GRM5: variants seen among roughly 807,000 people sequenced by gnomAD.
GRM5 encodes the protein metabotropic glutamate receptor 5.
GRM5 carries 19 observed loss-of-function variants against 83.1 expected under a neutral mutation model. The observed-to-expected ratio is 0.23, with a 90% CI of 0.16 to 0.34. GRM5 has a LOEUF of 0.34. Among genes scored for constraint, GRM5 ranks in the 10% least tolerant of loss-of-function variants. GRM5 has a pLI of 1.00. For synonymous variants in GRM5, 675 were observed against 633.6 expected (o/e 1.07, Z -0.98); for missense variants, 1,160 against 1,588.3 (o/e 0.73, Z 4.58).
At chr11:88,925,274 C>G (rs1445118600) in intron 2 of GRM5, among the ~76,000 whole-genome samples, 1 of 152,090 alleles carries the variant, frequency 6.6e-6, no homozygotes, top group Non-Finnish European at 1.5e-5. Context: ...AGAGCTATTA[C>G]TCTTTCAGAG....
chr11:88,530,278 G>C (rs559262359), intron 8 of GRM5, among the ~76,000 whole-genome samples: 9 of 151,962 alleles, frequency 5.9e-5, no homozygotes, highest in Non-Finnish European at 1.2e-4. Flanking sequence ...TTGTAAACCT[G>C]TAAGTTTTCT....
At chr11:88,609,128 C>T (rs907978460) in intron 4 of GRM5, among the ~76,000 whole-genome samples, 3 of 152,112 alleles carry the variant, frequency 2.0e-5, no homozygotes, top group Admixed American at 6.5e-5. Flanking sequence ...GGTAGCCTTC[C>T]AAACCATAGC....
chr11:88,595,404 T>A (rs138890319), intron 6 of GRM5, among the ~76,000 whole-genome samples: 2 of 152,258 alleles, frequency 1.3e-5, no homozygotes, highest in Non-Finnish European at 2.9e-5. Context: ...CCTCTCTTCC[T>A]CCTTCCCTTC....
chr11:88,851,743 A>T (rs529203005), intron 2 of GRM5, among the ~76,000 whole-genome samples: 3 of 152,210 alleles, frequency 2.0e-5, no homozygotes, highest in Admixed American at 6.5e-5. Context: ...ATCTCCATGA[A>T]CAAACTGCAA....
At chr11:88,936,198 A>T (rs1371861769) in intron 2 of GRM5, among the ~76,000 whole-genome samples, 3 of 151,808 alleles carry the variant, frequency 2.0e-5, no homozygotes, top group African/African-American at 7.2e-5. Flanking sequence ...ATTCCCTAAG[A>T]TTTAGGTTGC....
chr11:88,534,126 G>A (rs12290495), intron 8 of GRM5, among the ~76,000 whole-genome samples: 5,975 of 152,294 alleles, frequency 0.039, 417 homozygotes, highest in African/African-American at 0.14. Context: ...CTTTCATGGA[G>A]AACCTCTGCT....
intron 7 of GRM5, among the ~76,000 whole-genome samples, chr11:88,583,735 G>C (rs544763101): frequency 2.7e-4 from 41 of 152,294 alleles, no homozygotes; most frequent in African/African-American, 9.9e-4. Flanking sequence ...TTCTAGGACA[G>C]TTTTTGCAGA....
intron 2 of GRM5, among the ~76,000 whole-genome samples, chr11:88,989,344 C>T (rs1393403090): frequency 1.5e-5 from 2 of 135,726 alleles, no homozygotes; most frequent in African/African-American, 5.5e-5. Flanking sequence ...AATACAGTAG[C>T]ACCCAGATTC....
rs1266049255 is a variant in GRM5 at position 88,687,517 on chromosome 11, CACACACACATACATATATAT to C, written c.912-34134_912-34115del. 1.2e-3 allele frequency among the ~76,000 whole-genome samples: 43 copies of C among 36,674 alleles called. 4 individuals carry two copies. The highest frequency in any genetic ancestry group is 3.1e-3 in the African/African-American group (37 of 12,042). 24.1% of individuals were successfully genotyped at this position (36,674 alleles called of 152,430 possible). A position where few individuals can be genotyped will look rare whatever the true frequency, so the allele number is the denominator to read the frequency against. On this transcript the variant is annotated intron_variant, in intron 3 of 9. Coordinates refer to ENST00000305447, the MANE Select transcript of GRM5 (RefSeq NM_001143831.3). Reference sequence around the variant, plus strand: ...AACAAAAAATACACACACACACACACACACACACATACATATATATACACACACACACACACATATATATT... The same window carrying C: ...AACAAAAAATACACACACACACACACACACACACACACACACATATATATT...
rs71470776 is a variant in GRM5 at position 88,723,147 on chromosome 11, C to CT, written c.912-69745dup. On this transcript the variant is annotated intron_variant, in intron 3 of 9. Transcript: ENST00000305447. ...ACAGTATGTAGTCTTTTCAGATTGG[C>CT]TTTTTTTTTTTCTCATAGCAATATG... 5.5e-3 allele frequency among the ~76,000 whole-genome samples: 814 copies of CT among 148,070 alleles called. 13 individuals carry two copies. In the East Asian group the frequency reaches 0.064, roughly 12 times the overall value.
intron 2 of GRM5, among the ~76,000 whole-genome samples, chr11:88,997,075 A>G (rs368801649): frequency 2.6e-5 from 4 of 152,348 alleles, no homozygotes; most frequent in East Asian, 3.9e-4. Context: ...CTGTAATCCC[A>G]GCAGTTTGGG....
intron 4 of GRM5, among the ~76,000 whole-genome samples, chr11:88,649,388 T>C (rs947675340): frequency 1.3e-4 from 19 of 142,256 alleles, no homozygotes; most frequent in African/African-American, 3.8e-4. Context: ...TTATGTATTA[T>C]ATATTATATA....
In GRM5 at chr11:88,971,754, A is replaced by C. The variant is rs368947031; in HGVS notation, c.661+75458T>G. On this transcript the variant is annotated intron_variant, in intron 2 of 9. Coordinates refer to ENST00000305447, the MANE Select transcript of GRM5 (RefSeq NM_001143831.3). ...TGCATAAATAGATTTTTTTTATCTG[A>C]CTCTCTTTAGAGGACATACATGTAA... 1.4e-4 allele frequency among the ~76,000 whole-genome samples: 21 copies of C among 151,734 alleles called. 1 individual carries two copies. Among genetic ancestry groups the C allele is most frequent in the African/African-American group, 5.1e-4 (21 of 41,272 alleles).
chr11:88,977,168 A>T (rs12361421), intron 2 of GRM5, among the ~76,000 whole-genome samples: 3,656 of 150,318 alleles, frequency 0.024, 81 homozygotes, highest in East Asian at 0.1. Flanking sequence ...GTGATTTAAC[A>T]TAAAATATTT....
Position 89,009,900 on chromosome 11 carries a change from C to CAAAA in GRM5, c.661+37308_661+37311dup, listed in dbSNP as rs758398638. 1.7e-3 allele frequency among the ~76,000 whole-genome samples: 37 copies of CAAAA among 21,556 alleles called. 1 individual carries two copies. Among genetic ancestry groups the CAAAA allele is most frequent in the African/African-American group, 2.9e-3 (25 of 8,648 alleles). The allele number at this position is 21,556 out of a possible 152,430, so 14.1% of individuals were successfully genotyped here. A position where few individuals can be genotyped will look rare whatever the true frequency, so the allele number is the denominator to read the frequency against. On this transcript the variant is annotated intron_variant, in intron 2 of 9. Coordinates refer to ENST00000305447, the MANE Select transcript of GRM5 (RefSeq NM_001143831.3). ...TGGGCGACAGAGCGAGACTCCGTCT[C>CAAAA]AAAAAAAAAAAAAAAAAAAAAAAAA... is the stretch of plus-strand genomic sequence containing the variant.
chr11:88,785,134 G>A (rs1943043752), intron 3 of GRM5, among the ~76,000 whole-genome samples: 1 of 152,068 alleles, frequency 6.6e-6, no homozygotes, highest in Non-Finnish European at 1.5e-5. Flanking sequence ...GTCAGTGGAG[G>A]TGGAGTGTAT....
chr11:88,882,463 G>C (rs1193794417), intron 2 of GRM5, among the ~76,000 whole-genome samples: 2 of 148,762 alleles, frequency 1.3e-5, no homozygotes, highest in East Asian at 4.0e-4. Context: ...CGGGAGGCTG[G>C]GGCAGGAGAA....
intron 3 of GRM5, among the ~76,000 whole-genome samples, chr11:88,655,468 A>G (rs1939743146): frequency 6.6e-6 from 1 of 152,108 alleles, no homozygotes; most frequent in African/African-American, 2.4e-5. Flanking sequence ...GCTCGCTCTT[A>G]TGTAACACTA....
At chr11:88,669,904 G>A (rs547356345) in intron 3 of GRM5, among the ~76,000 whole-genome samples, 3 of 151,944 alleles carry the variant, frequency 2.0e-5, no homozygotes, top group Non-Finnish European at 4.4e-5. Flanking sequence ...GGTTTTCCTT[G>A]GTGGGGTTTA....
Sources: gnomAD v4.1 joint callset for allele counts (sites outside exome capture counted in the v4.1 genomes callset) on GRCh38, gnomAD v4.1.1 for gene constraint, MANE v1.5 for transcripts, NCBI Gene and HGNC (gene_info 2026-07-23, HGNC 2026-07-21) for gene names.